ZNF462: variants seen among roughly 807,000 people sequenced by gnomAD.
The protein encoded by ZNF462 is zinc finger PBX1-interacting protein.
ZNF462 carries 10 observed loss-of-function variants against 201.9 expected under a neutral mutation model. The ratio of observed to expected loss-of-function variants is 0.05; its 90% CI spans 0.03 to 0.08. The LOEUF (loss-of-function observed/expected upper bound fraction) is 0.08. ZNF462 is among the 10% of genes least tolerant of loss of function. The probability of loss-of-function intolerance (pLI) is 1.00; values close to 1 mark genes in which losing one functional copy is unlikely to be tolerated. For synonymous variants in ZNF462, 1,227 were observed against 1,193.3 expected, an observed-to-expected ratio of 1.03 and a Z score of -0.58; for missense variants, 2,523 against 3,168.3, an observed-to-expected ratio of 0.80 and a Z score of 4.89.
At chr9:106,939,387 C>G (rs551122486) in intron 7 of ZNF462, among the ~76,000 whole-genome samples, 1 of 152,206 alleles carries the variant, frequency 6.6e-6, no homozygotes, top group Admixed American at 6.5e-5. Flanking sequence ...AGTTTTGGAT[C>G]GTTCCACTGT....
Position 106,932,382 on chromosome 9 carries a change from G to A in ZNF462, c.6013-64G>A. 6.2e-7 allele frequency: 1 copy of A among 1,610,174 alleles called. No individual in the cohort carries two copies. Among genetic ancestry groups the A allele is most frequent in the Non-Finnish European group, 8.5e-7 (1 of 1,178,114 alleles). On this transcript the variant is annotated intron_variant, in intron 4 of 12. Coordinates refer to ENST00000277225, the MANE Select transcript of ZNF462 (RefSeq NM_021224.6). The surrounding 1 kb of genome is among the most constrained non-coding windows in gnomAD (Gnocchi z 6.8). ...ACTGCTTGCTTGATGGAATGTTGGA[G>A]GATGAAACCCGGCCGGGGGGATACC...
intron 1 of ZNF462, among the ~76,000 whole-genome samples, chr9:106,896,876 C>T (rs1293506217): frequency 1.3e-5 from 2 of 152,188 alleles, no homozygotes; most frequent in Non-Finnish European, 2.9e-5. Flanking sequence ...CTTTTCTTCA[C>T]GTGCCAACAT....
intron 7 of ZNF462, among the ~76,000 whole-genome samples, chr9:106,958,223 C>T (rs1398155247): frequency 6.6e-6 from 1 of 152,048 alleles, no homozygotes; most frequent in Non-Finnish European, 1.5e-5. Context: ...GAGGTCAGGA[C>T]TGTGGGTACA....
intron 9 of ZNF462, among the ~76,000 whole-genome samples, chr9:106,982,510 C>T (rs886692666): frequency 1.3e-5 from 2 of 152,102 alleles, no homozygotes; most frequent in African/African-American, 2.4e-5. Context: ...TTACACCAAA[C>T]CATACAACTG....
Position 106,928,852 on chromosome 9 carries a change from C to G in ZNF462, c.4940C>G (p.Ser1647Cys). ...GTGGGAGAGGAGCCCGTGTCCACTT[C>G]TCACTTCTCTACCTCCCACCTGGTC... is the stretch of plus-strand genomic sequence containing the variant. ...EEVGEEPVST[S>C]HFSTSHLVSH... The change falls in exon 3 of 13, where the codon TCT becomes TGT. Residue 1647 changes from serine to cysteine, a missense_variant. By Grantham distance (112) the Ser-to-Cys change is moderately radical. Around this residue, in one of 15 missense-constraint regions of ZNF462, gnomAD observed 200 missense variants for 281.3 expected, o/e 0.71. Transcript: ENST00000277225. The surrounding 1 kb of genome is among the most constrained non-coding windows in gnomAD (Gnocchi z 9.3). 2 of 1,614,082 alleles carry G rather than the reference C, an allele frequency of 1.2e-6. No homozygotes were observed. The highest frequency in any genetic ancestry group is 1.3e-5 in the African/African-American group (1 of 75,036).
At chr9:106,955,113 G>GT (rs1831517747) in intron 7 of ZNF462, among the ~76,000 whole-genome samples, 1 of 152,112 alleles carries the variant, frequency 6.6e-6, no homozygotes, top group African/African-American at 2.4e-5. Flanking sequence ...ACTCATCTTA[G>GT]TGTGTGTTGC....
chr9:106,978,923 C>A lies in ZNF462; in HGVS notation c.6832+4650C>A. ...TATAATTGGTCCTGATGGCTTCTAC[C>A]AGCTTAGCCAAAGCGCCTTTGTCTT... On this transcript the variant is annotated intron_variant, in intron 9 of 12. Transcript: ENST00000277225. This position sits in a 1 kb window ranked among gnomAD's most constrained non-coding sequence, Gnocchi z 4.1. 3.1e-6 allele frequency: 1 copy of A among 321,610 alleles called. No individual in the cohort carries two copies. The highest frequency in any genetic ancestry group is 1.1e-4 in the East Asian group (1 of 9,424). 19.9% of individuals were successfully genotyped at this position (321,610 alleles called of 1,614,324 possible).
At chr9:106,887,164 C>T (rs377386360) in intron 1 of ZNF462, among the ~76,000 whole-genome samples, 1 of 152,260 alleles carries the variant, frequency 6.6e-6, no homozygotes, top group South Asian at 2.1e-4. Flanking sequence ...GCAGTTTGAA[C>T]GAATGATAAG....
chr9:106,948,253 A>T (rs1478670969), intron 7 of ZNF462, among the ~76,000 whole-genome samples: 4 of 152,308 alleles, frequency 2.6e-5, no homozygotes, highest in Non-Finnish European at 5.9e-5. Context: ...GAGCCAGACG[A>T]CAGGAGTACT....
intron 1 of ZNF462, among the ~76,000 whole-genome samples, chr9:106,904,842 C>G (rs1243938918): frequency 6.6e-6 from 1 of 152,050 alleles, no homozygotes; most frequent in Non-Finnish European, 1.5e-5. Flanking sequence ...TTTGGACTTC[C>G]TTGCATTGGG....
chr9:106,877,142 C>T (rs1334967204), intron 1 of ZNF462, among the ~76,000 whole-genome samples: 1 of 151,952 alleles, frequency 6.6e-6, no homozygotes, highest in African/African-American at 2.4e-5. Flanking sequence ...CTTATTGGGT[C>T]TGGCCAAAAG....
upstream of ZNF462, among the ~76,000 whole-genome samples, chr9:106,860,195 T>C (rs1338629023): frequency 6.6e-6 from 1 of 152,166 alleles, no homozygotes; most frequent in African/African-American, 2.4e-5. The surrounding 1 kb of genome is among the most constrained non-coding windows in gnomAD (Gnocchi z 7.1). Flanking sequence ...GGGAGCTTTC[T>C]CTATCTCGGT....
rs1831881328 is a variant in ZNF462, at chr9:106,962,363, G to A, written c.6428-9642G>A. Among the ~76,000 whole-genome samples, 3 of 152,022 alleles carry A rather than the reference G, an allele frequency of 2.0e-5. No homozygotes were observed. The highest frequency in any genetic ancestry group is 4.4e-5 in the Non-Finnish European group (3 of 67,984). On this transcript the variant is annotated intron_variant, in intron 7 of 12. Coordinates refer to ENST00000277225, the MANE Select transcript of ZNF462 (RefSeq NM_021224.6). This position sits in a 1 kb window ranked among gnomAD's most constrained non-coding sequence, Gnocchi z 4.6. ...ATTTCATTGACTGGGTGAATGAATG[G>A]TGATGTCATTGACAAAAAATATAGA...
At chr9:106,973,013 C>T (rs1221833990) in intron 8 of ZNF462, among the ~76,000 whole-genome samples, 1 of 152,074 alleles carries the variant, frequency 6.6e-6, no homozygotes, top group Non-Finnish European at 1.5e-5. Flanking sequence ...CTATCTGTGT[C>T]CCTATTTTGT....
Position 106,927,813 on chromosome 9 carries a change from T to C in ZNF462, c.3901T>C (p.Trp1301Arg). Residue 1301 changes from tryptophan (W) to arginine (R), a missense_variant, in exon 3 of 13, where the codon TGG (tryptophan) becomes CGG (arginine). By Grantham distance (101) the Trp-to-Arg change is moderately radical. Coordinates refer to ENST00000277225, the MANE Select transcript of ZNF462 (RefSeq NM_021224.6). ...AGCCACAGTCACGTCCATCATGCGA[T>C]GGGCATTTCTAGATGGCTTGATAGA... ...LKATVTSIMR[W>R]AFLDGLIEAG... The C allele has an allele frequency of 6.2e-7, 1 of 1,614,180 alleles. No individual in the cohort carries two copies. The highest frequency in any genetic ancestry group is 8.5e-7 in the Non-Finnish European group (1 of 1,180,032).
chr9:106,898,566 C>T (rs1365541014), intron 1 of ZNF462, among the ~76,000 whole-genome samples: 1 of 152,102 alleles, frequency 6.6e-6, no homozygotes, highest in Admixed American at 6.5e-5. Flanking sequence ...CCCAGGACAG[C>T]CTCTCACAAT....
At chr9:106,936,315 C>G (rs958474544) in intron 6 of ZNF462, among the ~76,000 whole-genome samples, 1 of 152,210 alleles carries the variant, frequency 6.6e-6, no homozygotes, top group South Asian at 2.1e-4. Context: ...GTCCTATAAT[C>G]GTCCTAAAGG....
chr9:107,008,733 T>C lies in ZNF462; in HGVS notation c.7190-812T>C, dbSNP rs956830967. Among the ~76,000 whole-genome samples, 1 of 152,194 alleles carries C rather than the reference T, an allele frequency of 6.6e-6. No individual in the cohort carries two copies. Among genetic ancestry groups the C allele is most frequent in the Non-Finnish European group, 1.5e-5 (1 of 68,028 alleles). ...CAGTTAAACAGCCAATCCACATTTA[T>C]CAGACTTCTACCATGTGCCTAGTAC... On this transcript the variant is annotated intron_variant, in intron 11 of 12. Coordinates refer to ENST00000277225, the MANE Select transcript of ZNF462 (RefSeq NM_021224.6). This position sits in a 1 kb window ranked among gnomAD's most constrained non-coding sequence, Gnocchi z 4.8.
rs780170575 is a variant in ZNF462, at chr9:106,872,427, G to A, written c.-31+9072G>A. Among the ~76,000 whole-genome samples, 1 of 152,054 alleles carries A rather than the reference G, an allele frequency of 6.6e-6. No individual in the cohort carries two copies. The highest frequency in any genetic ancestry group is 1.5e-5 in the Non-Finnish European group (1 of 67,998). ...CTCCCAGGCTGGAGTGCAGTGGCAC[G>A]ATCTCCACTTAAGCAACTGCTGCCT... On this transcript the variant is annotated intron_variant, in intron 1 of 12. Transcript: ENST00000277225. The surrounding 1 kb of genome is among the most constrained non-coding windows in gnomAD (Gnocchi z 4.5).
Sources: gnomAD v4.1 joint callset for allele counts (sites outside exome capture counted in the v4.1 genomes callset) on GRCh38, gnomAD v4.1.1 for gene constraint, gnomAD v4.1.1 regional missense constraint, Gnocchi (gnomAD v3.1) non-coding constraint, MANE v1.5 for transcripts, NCBI Gene and HGNC (gene_info 2026-07-23, HGNC 2026-07-21) for gene names.